PTPRK: variants seen among roughly 807,000 people sequenced by gnomAD.
The protein encoded by PTPRK is protein tyrosine phosphatase receptor type K.
In PTPRK, 75 loss-of-function variants were observed where a neutral mutation model predicts 178.0. That is an observed-to-expected ratio of 0.42 (90% CI 0.35 to 0.51). PTPRK has a LOEUF of 0.51. PTPRK is among the 20% of genes least tolerant of loss of function. The pLI is 0.02. For synonymous variants in PTPRK, 637 were observed against 620.6 expected (o/e 1.03, Z -0.39); for missense variants, 1,441 against 1,797.8 (o/e 0.80, Z 3.59).
intron 7 of PTPRK, among the ~76,000 whole-genome samples, chr6:128,174,106 T>C (rs1311068062): frequency 6.6e-6 from 1 of 151,948 alleles, no homozygotes; most frequent in Admixed American, 6.6e-5. Flanking sequence ...CCTTCAGATT[T>C]CTGCATGTTT....
At chr6:128,279,464 AGCTAAC>A (rs1821336579) in intron 3 of PTPRK, among the ~76,000 whole-genome samples, 2 of 152,216 alleles carry the variant, frequency 1.3e-5, no homozygotes, top group African/African-American at 4.8e-5. Context: ...GGCTTTCCTC[AGCTAAC>A]TGCAGAATTG....
At position 128,334,643 on chromosome 6, in the gene PTPRK, G is replaced by A. The variant is rs958060488; in HGVS notation, c.224-12333C>T. 4.6e-5 allele frequency among the ~76,000 whole-genome samples: 7 copies of A among 152,034 alleles called. No homozygotes were observed. In the East Asian group the frequency reaches 1.3e-3, roughly 29 times the overall value. On this transcript the variant is annotated intron_variant, in intron 2 of 29. Transcript: ENST00000368226. ...GGAACAAGGATCATCAGGTCACAGG[G>A]GCAGTTCAATTGGCCACCAAAGAAG...
chr6:128,077,635 C>A (rs1047724475), intron 11 of PTPRK, among the ~76,000 whole-genome samples: 9 of 151,814 alleles, frequency 5.9e-5, no homozygotes, highest in Non-Finnish European at 1.2e-4. Context: ...TTGATATAAA[C>A]CAATTATGAA....
chr6:128,004,964 C>A, intron 15 of PTPRK, 120 bp downstream of exon 15: 1 of 817,500 alleles, frequency 1.2e-6, no homozygotes, highest in South Asian at 2.1e-5. Context: ...TCTTTCTCTT[C>A]TTTCTAGCTG....
Position 128,184,298 on chromosome 6 carries a change from T to C in PTPRK, c.1162+134A>G, listed in dbSNP as rs576254754. ...ATGACATAATCAAGGTGATGATTTA[T>C]GTAATTCATTGGAACTCTTAATAGT... On this transcript the variant is annotated intron_variant, in intron 7 of 29. Transcript: ENST00000368226. The C allele has an allele frequency of 4.8e-5, 44 of 915,482 alleles. No homozygotes were observed. In the Middle Eastern group the frequency reaches 2.1e-3, roughly 43 times the overall value. The allele number at this position is 915,482 out of a possible 1,614,324, so 56.7% of individuals were successfully genotyped here. A position where few individuals can be genotyped will look rare whatever the true frequency, so the allele number is the denominator to read the frequency against.
intron 1 of PTPRK, among the ~76,000 whole-genome samples, chr6:128,469,934 G>A (rs1477007686): frequency 6.6e-6 from 1 of 152,166 alleles, no homozygotes; most frequent in Non-Finnish European, 1.5e-5. Context: ...ACAGACTCCA[G>A]AAGGAACCTA....
intron 13 of PTPRK, among the ~76,000 whole-genome samples, chr6:128,032,787 A>G (rs1484004092): frequency 6.6e-6 from 1 of 152,184 alleles, no homozygotes; most frequent in Non-Finnish European, 1.5e-5. Flanking sequence ...ACAGACACAG[A>G]CATGGTTACT....
chr6:128,291,801 C>A (rs1042929186), intron 3 of PTPRK, among the ~76,000 whole-genome samples: 1 of 152,116 alleles, frequency 6.6e-6, no homozygotes, highest in Non-Finnish European at 1.5e-5. Context: ...TTCTCTTGCT[C>A]TGCCATTTTC....
intron 1 of PTPRK, among the ~76,000 whole-genome samples, chr6:128,419,611 C>CAA (rs55706420): frequency 1.3e-4 from 12 of 93,276 alleles, no homozygotes; most frequent in African/African-American, 3.5e-4. Flanking sequence ...GACTCCGTCT[C>CAA]AAAAAAAAAA....
At chr6:128,190,924 T>C (rs886513372) in intron 6 of PTPRK, among the ~76,000 whole-genome samples, 1 of 152,182 alleles carries the variant, frequency 6.6e-6, no homozygotes, top group African/African-American at 2.4e-5. Context: ...AGTACCTATG[T>C]AGGTATCAAT....
chr6:128,435,114 AAGGCAGGCAGGAAGGC>A (rs1562516026), intron 1 of PTPRK, among the ~76,000 whole-genome samples: 1,173 of 79,698 alleles, frequency 0.015, 55 homozygotes, highest in African/African-American at 0.075. Context: ...GGAAGGCAGG[AAGGCAGGCAGGAAGGC>A]AGGCAGGCAG....
intron 1 of PTPRK, among the ~76,000 whole-genome samples, chr6:128,517,882 T>TA (rs1858323283): frequency 6.6e-6 from 1 of 152,126 alleles, no homozygotes; most frequent in Non-Finnish European, 1.5e-5. Flanking sequence ...TCAAAAGGAA[T>TA]AAAAGTTCAC....
At chr6:128,385,911 G>A (rs1327861151) in intron 2 of PTPRK, among the ~76,000 whole-genome samples, 1 of 152,122 alleles carries the variant, frequency 6.6e-6, no homozygotes, top group African/African-American at 2.4e-5. Context: ...ATGACTTCAT[G>A]AAATAAACTA....
chr6:128,008,431 AT>A (rs1164824431), intron 14 of PTPRK, among the ~76,000 whole-genome samples: 1 of 150,910 alleles, frequency 6.6e-6, no homozygotes, highest in Non-Finnish European at 1.5e-5. Flanking sequence ...TGCCTTACAG[AT>A]TTATGGCATT....
At chr6:128,396,840 A>T (rs1840373444) in intron 2 of PTPRK, among the ~76,000 whole-genome samples, 1 of 152,084 alleles carries the variant, frequency 6.6e-6, no homozygotes, top group African/African-American at 2.4e-5. Flanking sequence ...TCCACTAAAA[A>T]TACAAAAATT....
At chr6:128,179,634 A>G (rs1562736151) in intron 7 of PTPRK, among the ~76,000 whole-genome samples, 1 of 152,074 alleles carries the variant, frequency 6.6e-6, no homozygotes. Flanking sequence ...AGTCATCCTT[A>G]CATTGTGAAA....
At chr6:128,472,567 TCTA>T (rs1850843038) in intron 1 of PTPRK, 1 of 164,180 alleles carries the variant, frequency 6.1e-6, no homozygotes, top group Non-Finnish European at 1.3e-5. Flanking sequence ...TTCAACATCT[TCTA>T]CTATGTATTT....
chr6:128,162,566 A>T (rs1798853930), intron 7 of PTPRK, among the ~76,000 whole-genome samples: 1 of 151,768 alleles, frequency 6.6e-6, no homozygotes, highest in South Asian at 2.1e-4. Context: ...TTGATTGTCA[A>T]ATCCTTGCTG....
At chr6:128,038,575 T>C (rs1776619083) in intron 13 of PTPRK, among the ~76,000 whole-genome samples, 1 of 152,124 alleles carries the variant, frequency 6.6e-6, no homozygotes, top group Non-Finnish European at 1.5e-5. Flanking sequence ...CTGTCAGTGA[T>C]TACAAAAAAG....
Sources: allele counts gnomAD v4.1 joint callset (sites outside exome capture counted in the v4.1 genomes callset), GRCh38; gene constraint gnomAD v4.1.1; transcripts MANE v1.5; gene names NCBI Gene and HGNC (gene_info 2026-07-23, HGNC 2026-07-21).